Variants in EXOC6 observed in about 807,000 individuals in gnomAD.
EXOC6 encodes the protein SEC15-like 1.
A neutral mutation model predicts 112.5 loss-of-function variants in EXOC6; 60 were observed. That is an observed-to-expected ratio of 0.53 (90% CI 0.43 to 0.66). The LOEUF is 0.66. EXOC6 is among the 30% of genes least tolerant of loss of function. The pLI, the probability that EXOC6 is intolerant of heterozygous loss-of-function variation, is 0.00. For missense variants in EXOC6, 855 were observed against 957.1 expected, an observed-to-expected ratio of 0.89 and a Z score of 1.41; for synonymous variants, 295 against 308.0, an observed-to-expected ratio of 0.96 and a Z score of 0.44.
upstream of EXOC6, among the ~76,000 whole-genome samples, chr10:92,833,143 C>G (rs1249661771): frequency 6.6e-6 from 1 of 152,102 alleles, no homozygotes; most frequent in Non-Finnish European, 1.5e-5. Flanking sequence ...CATTGGTTTG[C>G]CATTGCTGTA....
intron 1 of EXOC6, 140 bp from the exon 2 acceptor site, chr10:92,893,209 C>A: frequency 1.8e-6 from 1 of 568,380 alleles, no homozygotes; most frequent in Non-Finnish European, 3.0e-6. Context: ...AATACTTTCA[C>A]GCAAATTATT....
intron 17 of EXOC6, among the ~76,000 whole-genome samples, chr10:92,970,953 T>A (rs574791889): frequency 2.0e-5 from 3 of 152,230 alleles, no homozygotes; most frequent in African/African-American, 7.2e-5. Flanking sequence ...CTGAGTGGAG[T>A]GTACAATAGA....
Position 93,058,939 on chromosome 10 carries a change from A to G in EXOC6, c.*584A>G, listed in dbSNP as rs1368052990. On this transcript the variant is annotated 3_prime_UTR_variant, in exon 22 of 22. Coordinates refer to ENST00000260762, the MANE Select transcript of EXOC6 (RefSeq NM_019053.6). ...ATTATTTGTTCTACTTGGGTGGTTT[A>G]ATTTAATCGTTCTGAATATGAACAA... 1.3e-5 allele frequency: 2 copies of G among 152,218 alleles called. No homozygotes were observed. Among genetic ancestry groups the G allele is most frequent in the African/African-American group, 4.8e-5 (2 of 41,458 alleles). 9.4% of individuals were successfully genotyped at this position (152,218 alleles called of 1,614,324 possible).
At chr10:92,855,306 C>T (rs912680945) in intron 1 of EXOC6, among the ~76,000 whole-genome samples, 5 of 152,120 alleles carry the variant, frequency 3.3e-5, no homozygotes, top group African/African-American at 1.2e-4. Context: ...ATGCAGTTCT[C>T]CCACCTCAGC....
intron 18 of EXOC6, among the ~76,000 whole-genome samples, chr10:92,978,417 A>AG (rs1842713110): frequency 6.6e-6 from 1 of 152,134 alleles, no homozygotes; most frequent in South Asian, 2.1e-4. Context: ...TCAAAAAAAA[A>AG]CAAAAGAGAA....
upstream of EXOC6, among the ~76,000 whole-genome samples, chr10:92,845,505 A>G (rs1373918387): frequency 6.7e-6 from 1 of 148,940 alleles, no homozygotes; most frequent in Admixed American, 6.8e-5. Flanking sequence ...GTGAGCCAAG[A>G]TCGCACCACT....
chr10:92,915,704 A>G (rs1036878022), intron 6 of EXOC6, 54 bp from the exon 7 acceptor site: 17 of 1,363,562 alleles, frequency 1.2e-5, no homozygotes, highest in East Asian at 1.1e-4. Context: ...TTTTGAACCA[A>G]TTTTGACCAT....
intron 5 of EXOC6, among the ~76,000 whole-genome samples, chr10:92,907,648 A>G (rs931339765): frequency 1.2e-4 from 18 of 152,202 alleles, no homozygotes; most frequent in African/African-American, 4.1e-4. Context: ...TTGTAGAGAG[A>G]ATACTTTTGA....
chr10:93,046,704 TCTC>T (rs1369295273), intron 20 of EXOC6, among the ~76,000 whole-genome samples: 1 of 151,946 alleles, frequency 6.6e-6, no homozygotes, highest in Admixed American at 6.6e-5. Context: ...TTCAAGCAAT[TCTC>T]CTGCCTCAGC....
chr10:92,987,639 GT>G (rs1843061780), intron 18 of EXOC6: 1 of 984,824 alleles, frequency 1.0e-6, no homozygotes, highest in Non-Finnish European at 1.2e-6. Flanking sequence ...ATGCAGCCAT[GT>G]CGGTAAGTAG....
At chr10:92,904,049 T>C (rs1850315836) in intron 5 of EXOC6, among the ~76,000 whole-genome samples, 1 of 151,864 alleles carries the variant, frequency 6.6e-6, no homozygotes, top group South Asian at 2.1e-4. Flanking sequence ...GTTGAAATAA[T>C]ACAGTATATA....
intron 20 of EXOC6, among the ~76,000 whole-genome samples, chr10:93,033,432 G>A (rs1190969760): frequency 6.6e-6 from 1 of 152,160 alleles, no homozygotes; most frequent in Non-Finnish European, 1.5e-5. Context: ...AGAACTGTGA[G>A]TTGTACAATT....
chr10:92,999,115 GC>G (rs1254079853), intron 19 of EXOC6: 2 of 330,612 alleles, frequency 6.0e-6, no homozygotes, highest in East Asian at 2.1e-4. Context: ...CAAGTGATCT[GC>G]CCACCTCAGC....
intron 6 of EXOC6, among the ~76,000 whole-genome samples, chr10:92,914,468 C>T (rs1409022552): frequency 1.3e-5 from 2 of 152,142 alleles, no homozygotes; most frequent in African/African-American, 2.4e-5. Flanking sequence ...GAACTTAGAA[C>T]CCTTTTTTCA....
At chr10:92,932,816 A>C (rs1852121152) in intron 9 of EXOC6, among the ~76,000 whole-genome samples, 1 of 152,218 alleles carries the variant, frequency 6.6e-6, no homozygotes, top group Non-Finnish European at 1.5e-5. Context: ...TGTGGACATT[A>C]AAACAACATA....
upstream of EXOC6, among the ~76,000 whole-genome samples, chr10:92,847,267 T>C (rs1847083755): frequency 6.6e-6 from 1 of 152,260 alleles, no homozygotes; most frequent in Non-Finnish European, 1.5e-5. Flanking sequence ...ACTGCCATTG[T>C]CATTTACAGT....
intron 18 of EXOC6, among the ~76,000 whole-genome samples, chr10:92,977,682 C>CAT (rs1294515273): frequency 3.2e-4 from 49 of 152,140 alleles, no homozygotes; most frequent in African/African-American, 1.1e-3. Context: ...TGCAGACACA[C>CAT]ACACACACAC....
intron 17 of EXOC6, among the ~76,000 whole-genome samples, chr10:92,971,140 C>T (rs911974611): frequency 6.6e-6 from 1 of 152,176 alleles, no homozygotes; most frequent in Non-Finnish European, 1.5e-5. Context: ...CAAGGAACAC[C>T]TCCTAGGTTC....
intron 1 of EXOC6, among the ~76,000 whole-genome samples, chr10:92,837,047 A>G (rs1372053720): frequency 6.6e-6 from 1 of 151,938 alleles, no homozygotes; most frequent in Non-Finnish European, 1.5e-5. Context: ...GATATAAGTA[A>G]GACACAGGCC....
Sources: gnomAD v4.1 joint callset for allele counts (sites outside exome capture counted in the v4.1 genomes callset) on GRCh38, gnomAD v4.1.1 for gene constraint, MANE v1.5 for transcripts, NCBI Gene and HGNC (gene_info 2026-07-23, HGNC 2026-07-21) for gene names.